TAFA2: variants seen among roughly 807,000 people sequenced by gnomAD.
TAFA2 encodes the protein chemokine-like protein TAFA-2.
Under a neutral mutation model 18.8 loss-of-function variants are expected in TAFA2, and 7 were observed. That is an observed-to-expected ratio of 0.37 (90% CI 0.21 to 0.70). The LOEUF (loss-of-function observed/expected upper bound fraction) is 0.70. Among genes scored for constraint, TAFA2 ranks in the 30% least tolerant of loss-of-function variants. The probability of loss-of-function intolerance (pLI) is 0.53; values close to 1 mark genes in which losing one functional copy is unlikely to be tolerated. For synonymous variants in TAFA2, 60 were observed against 54.2 expected (o/e 1.11, Z -0.47); for missense variants, 122 against 158.1 (o/e 0.77, Z 1.23).
chr12:61,807,178 C>T (rs761539644), intron 2 of TAFA2, among the ~76,000 whole-genome samples: 1 of 151,318 alleles, frequency 6.6e-6, no homozygotes, highest in Non-Finnish European at 1.5e-5. Context: ...GGGCTGGGCC[C>T]AGGTTCCTCA....
chr12:62,210,653 T>A lies in TAFA2; in HGVS notation c.-130+48110A>T, dbSNP rs116542184. The stretch of plus-strand genomic sequence containing the variant: ...CTTTGAATGGCAAAAAGCATGTACA[T>A]ATTGAAGATGCTTCCACAACAGAGA... On this transcript the variant is annotated intron_variant, in intron 1 of 5. Transcript: ENST00000551619. Among the ~76,000 whole-genome samples the A allele has an allele frequency of 1.5e-3, 225 of 152,302 alleles. 2 individuals are homozygous for A. Among genetic ancestry groups the A allele is most frequent in the African/African-American group, 5.1e-3 (214 of 41,568 alleles).
chr12:61,727,637 G>A (rs1042375508), intron 4 of TAFA2, among the ~76,000 whole-genome samples: 2 of 151,726 alleles, frequency 1.3e-5, no homozygotes, highest in African/African-American at 4.8e-5. Flanking sequence ...TGCTAATGGT[G>A]TATCAATTTT....
intron 1 of TAFA2, among the ~76,000 whole-genome samples, chr12:61,986,115 TAGAA>T (rs1381354501): frequency 2.7e-5 from 4 of 150,390 alleles, no homozygotes; most frequent in Non-Finnish European, 4.4e-5. Context: ...ATTTGCTAAG[TAGAA>T]AGAGTGACAG....
intron 1 of TAFA2, among the ~76,000 whole-genome samples, chr12:62,070,271 A>G (rs559538726): frequency 6.6e-6 from 1 of 152,272 alleles, no homozygotes; most frequent in African/African-American, 2.4e-5. Context: ...AAGTAATACT[A>G]TTTTTTCTAT....
intron 2 of TAFA2, among the ~76,000 whole-genome samples, chr12:61,790,309 G>A (rs748361999): frequency 2.6e-5 from 4 of 151,784 alleles, no homozygotes; most frequent in Non-Finnish European, 4.4e-5. Context: ...CATCTGGAAC[G>A]AGAGAAGTGT....
rs114347306 is a variant in TAFA2 at position 62,064,509 on chromosome 12, A to G, written c.-2+126750T>C. The stretch of plus-strand genomic sequence containing the variant: ...GCAACTTGTCAGCCAAGAACAATGA[A>G]AAGAGGATAAAAGAAAAAATATACA... On this transcript the variant is annotated intron_variant, in intron 1 of 4. Transcript: ENST00000416284. Among the ~76,000 whole-genome samples the G allele has an allele frequency of 7.1e-3, 1,082 of 152,236 alleles. 16 individuals are homozygous for G. The highest frequency in any genetic ancestry group is 0.025 in the African/African-American group (1,024 of 41,578).
chr12:62,200,357 A>C (rs968605762), intron 1 of TAFA2, among the ~76,000 whole-genome samples: 1 of 152,168 alleles, frequency 6.6e-6, no homozygotes, highest in African/African-American at 2.4e-5. Context: ...GGTATTGCCT[A>C]GATTTTCTTC....
intron 1 of TAFA2, among the ~76,000 whole-genome samples, chr12:61,907,562 T>C (rs2884854): frequency 0.54 from 82,837 of 152,034 alleles, 23,871 homozygotes; most frequent in African/African-American, 0.74. Flanking sequence ...TGGAGAACCT[T>C]AGCTAAAGCA....
intron 1 of TAFA2, among the ~76,000 whole-genome samples, chr12:61,959,372 G>C (rs547692599): frequency 6.6e-6 from 1 of 152,008 alleles, no homozygotes; most frequent in African/African-American, 2.4e-5. Context: ...TCTTTGTATA[G>C]GTCTGCTACT....
chr12:61,864,420 A>G (rs906225981), intron 2 of TAFA2, among the ~76,000 whole-genome samples: 1 of 149,426 alleles, frequency 6.7e-6, no homozygotes, highest in East Asian at 1.9e-4. Context: ...ATTTCTATAT[A>G]TACACACCAT....
At chr12:62,162,270 G>T (rs1247103393) in intron 1 of TAFA2, among the ~76,000 whole-genome samples, 2 of 152,172 alleles carry the variant, frequency 1.3e-5, no homozygotes, top group African/African-American at 2.4e-5. Context: ...ATAAATATGT[G>T]AGAAATTTAT....
chr12:61,786,150 G>A (rs565621474), intron 2 of TAFA2, among the ~76,000 whole-genome samples: 10 of 151,740 alleles, frequency 6.6e-5, no homozygotes, highest in African/African-American at 1.7e-4. Flanking sequence ...CACAGATCAC[G>A]TGGGACTTGG....
intron 1 of TAFA2, chr12:62,234,862 TG>T: frequency 9.6e-7 from 1 of 1,046,848 alleles, no homozygotes; most frequent in Non-Finnish European, 1.5e-6. Context: ...CAGCAATGAC[TG>T]GGACTCAGCT....
At chr12:62,045,625 T>C (rs1881889297) in intron 1 of TAFA2, among the ~76,000 whole-genome samples, 1 of 152,216 alleles carries the variant, frequency 6.6e-6, no homozygotes, top group African/African-American at 2.4e-5. Flanking sequence ...TTTTGCTATG[T>C]CTTCTATTAA....
At chr12:62,046,357 A>G (rs1008863986) in intron 1 of TAFA2, among the ~76,000 whole-genome samples, 2 of 152,062 alleles carry the variant, frequency 1.3e-5, no homozygotes, top group African/African-American at 4.8e-5. Context: ...TAAAAGCTAA[A>G]ACTTCTGCAA....
intron 1 of TAFA2, chr12:62,234,954 G>A (rs1438340704): frequency 2.8e-6 from 2 of 722,820 alleles, no homozygotes; most frequent in African/African-American, 1.7e-5. Context: ...CTCAGTGGAA[G>A]GCATGGTCGA....
chr12:62,095,436 G>A (rs1206453378), intron 1 of TAFA2, among the ~76,000 whole-genome samples: 1 of 152,112 alleles, frequency 6.6e-6, no homozygotes, highest in Non-Finnish European at 1.5e-5. Flanking sequence ...AAAAGAACAT[G>A]GTCAGGTCCA....
intron 1 of TAFA2, among the ~76,000 whole-genome samples, chr12:62,211,847 G>A (rs758385010): frequency 8.5e-5 from 13 of 152,270 alleles, no homozygotes; most frequent in Non-Finnish European, 1.6e-4. Context: ...TCTCATATAT[G>A]TACTTGAGTT....
intron 1 of TAFA2, among the ~76,000 whole-genome samples, chr12:62,109,058 C>T (rs1321572833): frequency 1.3e-5 from 2 of 152,084 alleles, no homozygotes; most frequent in Non-Finnish European, 2.9e-5. Context: ...TTTGCCCATG[C>T]CTATGTCCTG....
Sources: gnomAD v4.1 joint callset for allele counts (sites outside exome capture counted in the v4.1 genomes callset) on GRCh38, gnomAD v4.1.1 for gene constraint, MANE v1.5 for transcripts, NCBI Gene and HGNC (gene_info 2026-07-23, HGNC 2026-07-21) for gene names.